Variants in SLC36A1 observed in about 807,000 individuals in gnomAD.
SLC36A1 encodes proton-coupled amino acid transporter 1.
In SLC36A1, 30 loss-of-function variants were observed where a neutral mutation model predicts 47.5. That is an observed-to-expected ratio of 0.63 (90% CI 0.47 to 0.86). The LOEUF (loss-of-function observed/expected upper bound fraction) is 0.86. Ranked by LOEUF, SLC36A1 falls within the 40% of genes least tolerant of loss-of-function variation. The pLI, the probability that SLC36A1 is intolerant of heterozygous loss-of-function variation, is 0.00. For missense variants in SLC36A1, 517 were observed against 606.0 expected (o/e 0.85, Z 1.54); for synonymous variants, 255 against 249.7 (o/e 1.02, Z -0.20).
chr5:151,385,039 A>T, the SLC36A1 span, among the ~76,000 whole-genome samples: 8,744 of 98,014 alleles, frequency 0.089, 453 homozygotes, highest in African/African-American at 0.26. Context: ...TGTGTGTGTG[A>T]GAGAGAGAGA....
At chr5:151,554,252 A>G in the SLC36A1 span, 3 of 974,294 alleles carry the variant, frequency 3.1e-6, no homozygotes, top group Non-Finnish European at 4.5e-6. Context: ...CAGGAAGGAG[A>G]GTACCATTTC....
chr5:151,405,750 C>A, the SLC36A1 span, among the ~76,000 whole-genome samples: 1 of 151,800 alleles, frequency 6.6e-6, no homozygotes, highest in Non-Finnish European at 1.5e-5. Context: ...TTTCTGTGTT[C>A]TTTTTTACTT....
the SLC36A1 span, among the ~76,000 whole-genome samples, chr5:151,389,561 T>TCCCCCCC: frequency 1.3e-5 from 1 of 78,442 alleles, no homozygotes. Flanking sequence ...CCCTCCCCCC[T>TCCCCCCC]CCCCCGACCC....
intron 5 of SLC36A1, 121 bp from the exon 6 acceptor site, chr5:151,467,078 A>G (rs1756506136): frequency 1.4e-6 from 1 of 733,216 alleles, no homozygotes; most frequent in South Asian, 1.8e-5. Context: ...TATCCATTTA[A>G]CAAAACAGCA....
At chr5:151,517,488 A>C in the SLC36A1 span, 1 of 1,136,878 alleles carries the variant, frequency 8.8e-7, no homozygotes, top group African/African-American at 1.5e-5. Context: ...CAACAGTCAC[A>C]CCCAGAATCC....
At chr5:151,529,383 T>C in the SLC36A1 span, 1 of 1,613,668 alleles carries the variant, frequency 6.2e-7, no homozygotes, top group Non-Finnish European at 8.5e-7. Context: ...TGCGTTGACA[T>C]ACAGGATCCC....
chr5:151,385,772 A>G, the SLC36A1 span, among the ~76,000 whole-genome samples: 1 of 152,210 alleles, frequency 6.6e-6, no homozygotes, highest in African/African-American at 2.4e-5. Flanking sequence ...AGCAACAACT[A>G]CCTTTACATA....
At chr5:151,547,839 G>C in the SLC36A1 span, among the ~76,000 whole-genome samples, 1 of 152,196 alleles carries the variant, frequency 6.6e-6, no homozygotes, top group Non-Finnish European at 1.5e-5. Context: ...GAAGATAAGA[G>C]GGAAAGACAG....
intron 8 of SLC36A1, among the ~76,000 whole-genome samples, chr5:151,474,838 C>T (rs1757822141): frequency 6.6e-6 from 1 of 152,224 alleles, no homozygotes; most frequent in Admixed American, 6.5e-5. Context: ...AAGGGCGCCA[C>T]AAATGGGAAG....
the SLC36A1 span, chr5:151,544,007 C>T: frequency 5.0e-6 from 8 of 1,614,174 alleles, no homozygotes; most frequent in Admixed American, 8.3e-5. Context: ...GGGGGGTTGT[C>T]ATTGATATCA....
chr5:151,527,113 G>T, the SLC36A1 span: 2 of 1,018,686 alleles, frequency 2.0e-6, no homozygotes, highest in Non-Finnish European at 2.9e-6. Flanking sequence ...TTGCCTTTGG[G>T]GACATCAGTG....
the SLC36A1 span, among the ~76,000 whole-genome samples, chr5:151,401,961 C>T: frequency 2.0e-5 from 3 of 152,054 alleles, no homozygotes; most frequent in African/African-American, 7.2e-5. Context: ...ACTTATTTTC[C>T]TATTTGGATG....
At chr5:151,483,842 G>A (rs1043960241) in intron 10 of SLC36A1, among the ~76,000 whole-genome samples, 1 of 152,134 alleles carries the variant, frequency 6.6e-6, no homozygotes, top group African/African-American at 2.4e-5. Flanking sequence ...GCAGTGTCAC[G>A]CTTCATGTAG....
the SLC36A1 span, chr5:151,517,697 T>C: frequency 1.2e-6 from 2 of 1,614,202 alleles, no homozygotes; most frequent in Non-Finnish European, 1.7e-6. Context: ...TAGAAATGGA[T>C]GTGCCAGTTC....
chr5:151,381,238 G>A, the SLC36A1 span: 17 of 303,402 alleles, frequency 5.6e-5, no homozygotes, highest in South Asian at 5.9e-4. Context: ...GCCTCATCAT[G>A]GCTCCTATTG....
chr5:151,551,319 T>C, the SLC36A1 span: 1 of 800,460 alleles, frequency 1.2e-6, no homozygotes, highest in South Asian at 1.8e-5. Context: ...ATCACAGAAG[T>C]AGAGAGTGTA....
chr5:151,554,728 A>G, the SLC36A1 span: 10 of 1,345,376 alleles, frequency 7.4e-6, no homozygotes, highest in South Asian at 3.9e-5. Context: ...ATTAGTGACT[A>G]TGCTTTAACA....
At chr5:151,480,703 A>G (rs141657261) in intron 10 of SLC36A1, among the ~76,000 whole-genome samples, 1 of 152,246 alleles carries the variant, frequency 6.6e-6, no homozygotes, top group Non-Finnish European at 1.5e-5. Flanking sequence ...ATCTTGTGCC[A>G]GTAACTCTCC....
At chr5:151,509,730 A>G in the SLC36A1 span, 1 of 301,774 alleles carries the variant, frequency 3.3e-6, no homozygotes, top group Non-Finnish European at 6.3e-6. Context: ...TTCATTATAT[A>G]TTACAATGTA....
Sources: gnomAD v4.1 joint callset for allele counts (sites outside exome capture counted in the v4.1 genomes callset) on GRCh38, gnomAD v4.1.1 for gene constraint, MANE v1.5 for transcripts, NCBI Gene and HGNC (gene_info 2026-07-23, HGNC 2026-07-21) for gene names.